The following PARVB variants were observed in gnomAD, a reference collection of about 807,000 sequenced individuals.
PARVB encodes beta-parvin.
PARVB carries 46 observed loss-of-function variants against 47.0 expected under a neutral mutation model. The observed-to-expected ratio is 0.98, with a 90% confidence interval of 0.77 to 1.25. The LOEUF (loss-of-function observed/expected upper bound fraction) is 1.25, where lower values mean the gene tolerates loss of function less well. Among genes scored for constraint, PARVB ranks in the 50% most tolerant of loss-of-function variants. PARVB has a pLI of 0.00. For missense variants in PARVB, 473 were observed against 471.6 expected (o/e 1.00, Z -0.03); for synonymous variants, 196 against 196.3 (o/e 1.00, Z 0.01).
chr22:44,026,254 C>G (rs990874082), intron 1 of PARVB: 4 of 933,970 alleles, frequency 4.3e-6, no homozygotes, highest in African/African-American at 1.8e-5. Context: ...CAGGCCCAGC[C>G]TGGTTTAATT....
chr22:44,002,540 C>T (rs543723431), intron 2 of PARVB, among the ~76,000 whole-genome samples: 3 of 152,120 alleles, frequency 2.0e-5, no homozygotes, highest in East Asian at 3.9e-4. Flanking sequence ...GGGGCAGAGG[C>T]GGGTGCGTGG....
In PARVB at chr22:44,171,503, A is replaced by AAAG. The variant is rs1555914985; in HGVS notation, c.*2827_*2828insGAA. ...GAGTGAGACTCTGTCTCAAAAAAAA[A>AAAG]AAAGAAAGAAAAAAGAAAAAGAAAA... is the stretch of plus-strand genomic sequence containing the variant. On this transcript the variant is annotated 3_prime_UTR_variant, in exon 13 of 13. Transcript: ENST00000338758. 1 of 152,186 alleles carries AAAG rather than the reference A, an allele frequency of 6.6e-6. No individual in the cohort carries two copies. The highest frequency in any genetic ancestry group is 1.5e-5 in the Non-Finnish European group (1 of 68,518). 9.4% of individuals were successfully genotyped at this position (152,186 alleles called of 1,614,324 possible).
At chr22:44,046,602 T>C (rs1039555165) in intron 1 of PARVB, among the ~76,000 whole-genome samples, 1 of 152,240 alleles carries the variant, frequency 6.6e-6, no homozygotes, top group Non-Finnish European at 1.5e-5. Flanking sequence ...CTGACAATCA[T>C]TGAGCCTCGG....
chr22:44,011,264 G>A (rs773783573), intron 2 of PARVB, among the ~76,000 whole-genome samples: 5 of 152,060 alleles, frequency 3.3e-5, no homozygotes, highest in African/African-American at 7.2e-5. Flanking sequence ...GGAGCTGCAC[G>A]CACCTGGCCT....
intron 10 of PARVB, chr22:44,151,779 C>T (rs1407387749): frequency 4.0e-6 from 2 of 505,410 alleles, no homozygotes; most frequent in Non-Finnish European, 7.2e-6. Flanking sequence ...AACAACAGAC[C>T]TTTGTGTCCT....
intron 2 of PARVB, among the ~76,000 whole-genome samples, chr22:44,011,016 G>A (rs949682794): frequency 6.6e-6 from 1 of 151,744 alleles, no homozygotes; most frequent in African/African-American, 2.4e-5. Context: ...CTCAGAGACA[G>A]GGTTTCACTG....
intron 1 of PARVB, among the ~76,000 whole-genome samples, chr22:44,059,177 C>T (rs1011979498): frequency 4.0e-5 from 6 of 151,604 alleles, no homozygotes; most frequent in Admixed American, 6.6e-5. Context: ...TCCTGAATAG[C>T]GGGCATTACA....
chr22:44,032,997 C>G (rs545844574), intron 1 of PARVB, among the ~76,000 whole-genome samples: 2 of 152,160 alleles, frequency 1.3e-5, no homozygotes, highest in South Asian at 2.1e-4. Flanking sequence ...CTGTTGGTAA[C>G]AAAAGTTGTG....
At chr22:44,124,653 G>A (rs2053147751) in intron 4 of PARVB, among the ~76,000 whole-genome samples, 1 of 147,002 alleles carries the variant, frequency 6.8e-6, no homozygotes, top group African/African-American at 2.6e-5. Context: ...GCCCCATCCT[G>A]GTGGAAGGGT....
intron 8 of PARVB, chr22:44,145,906 T>TA (rs1416989190): frequency 6.6e-6 from 1 of 152,060 alleles, no homozygotes; most frequent in East Asian, 1.9e-4. Flanking sequence ...AATTTCACTT[T>TA]TTTTTTTTGT....
chr22:44,170,178 T>C lies in PARVB; in HGVS notation c.*1500T>C, dbSNP rs2054252521. The C allele has an allele frequency of 6.6e-6, 1 of 151,744 alleles. No homozygotes were observed. The highest frequency in any genetic ancestry group is 1.5e-5 in the Non-Finnish European group (1 of 67,980). The allele number at this position is 151,744 out of a possible 1,614,324, so 9.4% of individuals were successfully genotyped here. A position where few individuals can be genotyped will look rare whatever the true frequency, so the allele number is the denominator to read the frequency against. On this transcript the variant is annotated 3_prime_UTR_variant, in exon 13 of 13. Coordinates refer to ENST00000338758, the MANE Select transcript of PARVB (RefSeq NM_013327.5). ...ACTAGGCCCATCTAATTTTTGTATT[T>C]TTTGTAGAGATGGGGTTTCACCATG...
chr22:44,119,350 T>TGGGGCAGCAGCAGGTTG (rs1035308499), intron 4 of PARVB, among the ~76,000 whole-genome samples: 2 of 152,166 alleles, frequency 1.3e-5, no homozygotes, highest in African/African-American at 4.8e-5. Flanking sequence ...CACCCAGCCA[T>TGGGGCAGCAGCAGGTTG]GGGGCAGCAG....
chr22:44,121,646 G>A (rs1397213737), intron 4 of PARVB, among the ~76,000 whole-genome samples: 2 of 152,046 alleles, frequency 1.3e-5, no homozygotes, highest in African/African-American at 4.8e-5. Flanking sequence ...TAATTAGATA[G>A]CAAAATCTGG....
At chr22:44,138,237 C>T (rs1309339468) in intron 7 of PARVB, among the ~76,000 whole-genome samples, 1 of 152,132 alleles carries the variant, frequency 6.6e-6, no homozygotes, top group Non-Finnish European at 1.5e-5. Flanking sequence ...CAGACATGTA[C>T]AGTCTAACAC....
intron 4 of PARVB, among the ~76,000 whole-genome samples, chr22:44,129,148 C>T (rs1181352486): frequency 6.6e-6 from 1 of 152,138 alleles, no homozygotes; most frequent in Non-Finnish European, 1.5e-5. Flanking sequence ...GGCCCTAATT[C>T]AATATGTCTA....
At position 44,049,028 on chromosome 22, in the gene PARVB, G is replaced by A. The variant is rs1344019510; in HGVS notation, c.112+24577G>A. 1.3e-5 allele frequency among the ~76,000 whole-genome samples: 2 copies of A among 152,336 alleles called. No individual in the cohort carries two copies. Among genetic ancestry groups the A allele is most frequent in the South Asian group, 4.1e-4 (2 of 4,824 alleles). ...TTTGCCGAGGAGGGAACAGAAGTGT[G>A]GAGTCCTCCCAGCCACATGGCCTCG... is the stretch of plus-strand genomic sequence containing the variant. On this transcript the variant is annotated intron_variant, in intron 1 of 12. Coordinates refer to ENST00000338758, the MANE Select transcript of PARVB (RefSeq NM_013327.5). This position sits in a 1 kb window ranked among gnomAD's most constrained non-coding sequence, Gnocchi z 4.0.
At chr22:44,147,694 C>G in intron 8 of PARVB, 167 bp from the exon 9 acceptor site, 1 of 765,268 alleles carries the variant, frequency 1.3e-6, no homozygotes, top group Non-Finnish European at 2.4e-6. Context: ...CGGGACTGAT[C>G]ATCAGGGTCA....
rs738479 is a variant in PARVB at position 44,094,016 on chromosome 22, T to C, written c.201T>C (p.Leu67=). ...LVDVHPEDTQ[L]EENEERTMID... is the part of the protein sequence containing the mutation. ...ATGTTCACCCTGAAGACACCCAGCT[T>C]GGTACGGGGGTTCCTCCGCTCCCTG... The change falls in exon 2 of 13, where the codon CTT becomes CTC. Residue 67 remains leucine (L), a splice_region_variant and synonymous_variant. Coordinates refer to ENST00000338758, the MANE Select transcript of PARVB (RefSeq NM_013327.5). 0.6 allele frequency: 947,784 copies of C among 1,589,898 alleles called. 285,856 individuals carry two copies. The highest frequency in any genetic ancestry group is 0.86 in the East Asian group (38,625 of 44,738).
At chr22:44,016,868 CATTTT>C (rs776800134) in intron 2 of PARVB, among the ~76,000 whole-genome samples, 4 of 151,976 alleles carry the variant, frequency 2.6e-5, no homozygotes, top group African/African-American at 4.8e-5. Context: ...TTTACTTCCC[CATTTT>C]ATTTTATTTT....
Sources: gnomAD v4.1 joint callset for allele counts (sites outside exome capture counted in the v4.1 genomes callset) on GRCh38, gnomAD v4.1.1 for gene constraint, Gnocchi (gnomAD v3.1) non-coding constraint, MANE v1.5 for transcripts, NCBI Gene and HGNC (gene_info 2026-07-23, HGNC 2026-07-21) for gene names.